The following CDH9 variants were observed in gnomAD, a reference collection of about 807,000 sequenced individuals.
CDH9 encodes cadherin 9, also known as cadherin-9.
Under a neutral mutation model 70.9 loss-of-function variants are expected in CDH9, and 28 were observed. That is an observed-to-expected ratio of 0.40 (90% CI 0.29 to 0.54). CDH9 has a LOEUF of 0.54. Among genes scored for constraint, CDH9 ranks in the 20% least tolerant of loss-of-function variants. CDH9 has a pLI of 0.59. For missense variants in CDH9, 874 were observed against 984.4 expected, an observed-to-expected ratio of 0.89 and a Z score of 1.50; for synonymous variants, 409 against 343.1, an observed-to-expected ratio of 1.19 and a Z score of -2.12.
chr5:26,881,476 A>AAGGAATCCAGAC lies in CDH9; in HGVS notation c.2029_2030insGTCTGGATTCCT (p.Thr676_Leu677insCysLeuAspSer). The AAGGAATCCAGAC allele has an allele frequency of 6.2e-7, 1 of 1,613,692 alleles. No individual in the cohort carries two copies. The highest frequency in any genetic ancestry group is 8.5e-7 in the Non-Finnish European group (1 of 1,179,778). ...GTCTTCTCTTGCCTCTGGATTCCTT[A>AAGGAATCCAGAC]ATGTGCCAATGTCAAAAGCTTGGGT... is the stretch of plus-strand genomic sequence containing the variant. On this transcript the variant is annotated inframe_insertion, in exon 12 of 12. Transcript: ENST00000231021.
chr5:26,900,341 G>A (rs868468854), intron 7 of CDH9, among the ~76,000 whole-genome samples: 1 of 152,104 alleles, frequency 6.6e-6, no homozygotes, highest in African/African-American at 2.4e-5. Flanking sequence ...ATTCTATGAA[G>A]CAGTACTTCC....
intron 1 of CDH9, among the ~76,000 whole-genome samples, chr5:27,005,156 C>A (rs1422638129): frequency 3.3e-5 from 5 of 151,928 alleles, no homozygotes; most frequent in Admixed American, 2.6e-4. Flanking sequence ...ATGGTGAGAG[C>A]AAAATACATT....
intron 2 of CDH9, among the ~76,000 whole-genome samples, chr5:26,945,545 C>A (rs933708349): frequency 1.3e-5 from 2 of 151,826 alleles, no homozygotes; most frequent in Non-Finnish European, 2.9e-5. Flanking sequence ...TTATTTAGTT[C>A]CAATGTTTTA....
chr5:27,008,907 A>G (rs1373568649), intron 1 of CDH9, among the ~76,000 whole-genome samples: 2 of 152,194 alleles, frequency 1.3e-5, no homozygotes, highest in Admixed American at 6.6e-5. Context: ...GTTCAATCTT[A>G]TAACATCTCC....
intron 2 of CDH9, among the ~76,000 whole-genome samples, chr5:26,973,078 G>T (rs188607328): frequency 1.3e-5 from 2 of 152,202 alleles, no homozygotes; most frequent in African/African-American, 4.8e-5. Context: ...TGACCAGGCT[G>T]GTCTCGAACT....
intron 7 of CDH9, among the ~76,000 whole-genome samples, chr5:26,895,150 T>G (rs1740727463): frequency 6.6e-6 from 1 of 152,010 alleles, no homozygotes; most frequent in Non-Finnish European, 1.5e-5. Flanking sequence ...CTAAGTCAAT[T>G]TAGGTAGGAC....
At chr5:26,979,579 CA>C (rs1432676458) in intron 2 of CDH9, among the ~76,000 whole-genome samples, 2 of 151,668 alleles carry the variant, frequency 1.3e-5, no homozygotes, top group Non-Finnish European at 3.0e-5. Context: ...AATTAAATGC[CA>C]AATATTGTCA....
chr5:27,028,094 C>T (rs1743251149), intron 1 of CDH9, among the ~76,000 whole-genome samples: 1 of 151,892 alleles, frequency 6.6e-6, no homozygotes, highest in Non-Finnish European at 1.5e-5. Flanking sequence ...TCAAGAATTT[C>T]TAGGCCAGGC....
chr5:27,017,739 G>A (rs2112121854), intron 1 of CDH9, among the ~76,000 whole-genome samples: 1 of 151,954 alleles, frequency 6.6e-6, no homozygotes, highest in East Asian at 1.9e-4. Flanking sequence ...TTAGAAAGTT[G>A]CCATTAAAAA....
At chr5:26,978,250 T>A (rs1742338270) in intron 2 of CDH9, among the ~76,000 whole-genome samples, 1 of 151,876 alleles carries the variant, frequency 6.6e-6, no homozygotes, top group African/African-American at 2.4e-5. Context: ...CAAAGACTTA[T>A]AAATAATTGA....
chr5:26,909,272 C>A (rs1207844169), intron 3 of CDH9, among the ~76,000 whole-genome samples: 1 of 152,038 alleles, frequency 6.6e-6, no homozygotes, highest in East Asian at 1.9e-4. Flanking sequence ...CGTGAGCCAC[C>A]GTGCCCAGCC....
rs537622480 is a variant in CDH9, at chr5:26,892,788, T to A, written c.1254-2224A>T. 2.0e-5 allele frequency among the ~76,000 whole-genome samples: 3 copies of A among 152,304 alleles called. No individual in the cohort carries two copies. The East Asian group carries it at 5.8e-4, about 29-fold the overall frequency. ...CTCTCTCGCCCAGGCTGCAGTGCAG[T>A]GGCGCGATCTCGGCTCACTGCAAGC... is the stretch of plus-strand genomic sequence containing the variant. On this transcript the variant is annotated intron_variant, in intron 7 of 11. Transcript: ENST00000231021.
chr5:26,883,082 TATATATATATATAAAA>T (rs1561181224), intron 11 of CDH9, among the ~76,000 whole-genome samples: 13 of 130,140 alleles, frequency 1.0e-4, no homozygotes, highest in African/African-American at 3.5e-4. Context: ...TATATATATA[TATATATATATATAAAA>T]CTGCAGTAAA....
At chr5:26,968,537 C>T (rs555852954) in intron 2 of CDH9, among the ~76,000 whole-genome samples, 3 of 152,210 alleles carry the variant, frequency 2.0e-5, no homozygotes, top group South Asian at 2.1e-4. Flanking sequence ...CCACCCACCT[C>T]GGCCTCTCAA....
At chr5:26,936,286 G>T (rs1741557580) in intron 2 of CDH9, among the ~76,000 whole-genome samples, 1 of 151,954 alleles carries the variant, frequency 6.6e-6, no homozygotes, top group Admixed American at 6.6e-5. Flanking sequence ...TATTTCTATA[G>T]CAATTACCAC....
intron 2 of CDH9, among the ~76,000 whole-genome samples, chr5:26,926,367 A>G (rs955383053): frequency 6.6e-6 from 1 of 152,184 alleles, no homozygotes; most frequent in Non-Finnish European, 1.5e-5. Context: ...TACAATACCT[A>G]GGAATCCAAC....
At chr5:26,955,945 C>T (rs1177984586) in intron 2 of CDH9, among the ~76,000 whole-genome samples, 1 of 152,128 alleles carries the variant, frequency 6.6e-6, no homozygotes, top group East Asian at 1.9e-4. Flanking sequence ...ATATCACCAT[C>T]CTAGTGTTTG....
intron 2 of CDH9, among the ~76,000 whole-genome samples, chr5:26,978,868 A>G (rs1742348426): frequency 6.6e-6 from 1 of 151,882 alleles, no homozygotes; most frequent in African/African-American, 2.4e-5. Context: ...AGGAAAATAA[A>G]CTGTCAGATT....
intron 8 of CDH9, 64 bp downstream of exon 8, chr5:26,890,364 G>A (rs1050542734): frequency 2.0e-5 from 28 of 1,367,806 alleles, no homozygotes; most frequent in Non-Finnish European, 2.7e-5. Context: ...GAGTCTAGCT[G>A]GTGCTATTAT....
Sources: allele counts gnomAD v4.1 joint callset (sites outside exome capture counted in the v4.1 genomes callset), GRCh38; gene constraint gnomAD v4.1.1; transcripts MANE v1.5; gene names NCBI Gene and HGNC (gene_info 2026-07-23, HGNC 2026-07-21).